The following ADAMTS3 variants were observed in gnomAD, a reference collection of about 807,000 sequenced individuals.
ADAMTS3 encodes A disintegrin and metalloproteinase with thrombospondin motifs 3.
A neutral mutation model predicts 129.0 loss-of-function variants in ADAMTS3; 73 were observed. The observed-to-expected ratio is 0.57, with a 90% CI of 0.47 to 0.69. The LOEUF is 0.69. Ranked by LOEUF, ADAMTS3 falls within the 30% of genes least tolerant of loss-of-function variation. ADAMTS3 has a pLI of 0.00. For missense variants in ADAMTS3, 1,457 were observed against 1,514.5 expected (o/e 0.96, Z 0.63); for synonymous variants, 477 against 510.8 (o/e 0.93, Z 0.89).
At chr4:72,561,121 G>C (rs1721892634) in intron 2 of ADAMTS3, among the ~76,000 whole-genome samples, 1 of 152,122 alleles carries the variant, frequency 6.6e-6, no homozygotes, top group Non-Finnish European at 1.5e-5. Flanking sequence ...GGGAAGCTGA[G>C]GCGGGTGGAT....
intron 3 of ADAMTS3, among the ~76,000 whole-genome samples, chr4:72,477,836 G>C (rs915864560): frequency 6.6e-6 from 1 of 151,710 alleles, no homozygotes; most frequent in South Asian, 2.1e-4. Context: ...TCAAATAGAC[G>C]CAATAAAAAA....
At chr4:72,455,456 A>T (rs1449939769) in intron 3 of ADAMTS3, among the ~76,000 whole-genome samples, 1 of 151,350 alleles carries the variant, frequency 6.6e-6, no homozygotes, top group East Asian at 2.0e-4. Context: ...GGGGAACATC[A>T]CGCACCAGGG....
At chr4:72,319,769 A>G (rs1474916016) in intron 8 of ADAMTS3, 89 bp downstream of exon 8, 1 of 1,078,526 alleles carries the variant, frequency 9.3e-7, no homozygotes, top group African/African-American at 1.6e-5. Context: ...GTATGCTGGC[A>G]TGCATTCTGC....
At chr4:72,319,207 A>T in intron 9 of ADAMTS3, 125 bp downstream of exon 9, 1 of 1,188,272 alleles carries the variant, frequency 8.4e-7, no homozygotes, top group Non-Finnish European at 1.2e-6. Flanking sequence ...CTAAGTCATA[A>T]GAAAATGTTT....
At chr4:72,427,834 T>C (rs565209657) in intron 3 of ADAMTS3, among the ~76,000 whole-genome samples, 1 of 152,068 alleles carries the variant, frequency 6.6e-6, no homozygotes, top group African/African-American at 2.4e-5. Context: ...TCTCCTAGTA[T>C]GTTACATGCC....
In ADAMTS3 at chr4:72,467,264, C is replaced by T. The variant is rs72853022; in HGVS notation, c.505-52293G>A. 7.6e-3 allele frequency among the ~76,000 whole-genome samples: 1,151 copies of T among 152,086 alleles called. 26 individuals carry two copies. Among genetic ancestry groups the T allele is most frequent in the African/African-American group, 0.026 (1,094 of 41,522 alleles). On this transcript the variant is annotated intron_variant, in intron 3 of 21. Transcript: ENST00000286657. ...TTTCATTCCTTCTGTTAATCCTATA[C>T]TTAGGTAGCCCCAAAATCTGCTGAT...
rs1194652174 is a variant in ADAMTS3, at chr4:72,283,709, A to G, written c.3050-5T>C. The G allele has an allele frequency of 1.3e-6, 2 of 1,543,064 alleles. No individual in the cohort carries two copies. Among genetic ancestry groups the G allele is most frequent in the East Asian group, 4.6e-5 (2 of 43,780 alleles). On this transcript the variant is annotated splice_region_variant and splice_polypyrimidine_tract_variant and intron_variant, in intron 21 of 21. Transcript: ENST00000286657. The stretch of plus-strand genomic sequence containing the variant: ...TGTCTCCCAAACATGGTTCATCTGC[A>G]AAAATAAAAAGAAAATAAACTAACA...
chr4:72,322,308 T>A (rs540788417), intron 6 of ADAMTS3, among the ~76,000 whole-genome samples: 1 of 152,354 alleles, frequency 6.6e-6, no homozygotes, highest in Non-Finnish European at 1.5e-5. Context: ...TAATATTTCA[T>A]AATCAGGAGG....
At chr4:72,409,004 GTGTATACCTA>G (rs1234327310) in intron 4 of ADAMTS3, among the ~76,000 whole-genome samples, 3 of 151,886 alleles carry the variant, frequency 2.0e-5, no homozygotes, top group Non-Finnish European at 4.4e-5. Flanking sequence ...ACCAGGTCAC[GTGTATACCTA>G]TGTAACAAAA....
rs79642031 is a variant in ADAMTS3 at position 72,333,369 on chromosome 4, C to T, written c.861+6125G>A. Among the ~76,000 whole-genome samples the T allele has an allele frequency of 5.2e-4, 79 of 152,098 alleles. No individual in the cohort carries two copies. In the East Asian group the frequency reaches 7.7e-3, roughly 15 times the overall value. On this transcript the variant is annotated intron_variant, in intron 5 of 21. Coordinates refer to ENST00000286657, the MANE Select transcript of ADAMTS3 (RefSeq NM_014243.3). ...AAACAGAATGTTCAAGCTAAAAAAA[C>T]GTATAAATTATGGTAGATTCATCTC...
intron 3 of ADAMTS3, among the ~76,000 whole-genome samples, chr4:72,480,796 T>G (rs148856801): frequency 6.7e-6 from 1 of 148,890 alleles, no homozygotes; most frequent in Non-Finnish European, 1.5e-5. Flanking sequence ...GATGATATGA[T>G]AGTCTACATA....
intron 16 of ADAMTS3, among the ~76,000 whole-genome samples, chr4:72,304,961 C>A (rs1719045876): frequency 6.6e-6 from 1 of 151,952 alleles, no homozygotes; most frequent in Non-Finnish European, 1.5e-5. Flanking sequence ...GACTGCTAGA[C>A]TATTACGACA....
intron 3 of ADAMTS3, among the ~76,000 whole-genome samples, chr4:72,508,121 G>C (rs1162017424): frequency 1.3e-5 from 2 of 152,028 alleles, no homozygotes; most frequent in Non-Finnish European, 2.9e-5. Context: ...ACAAACACAT[G>C]CACATTGTAA....
rs1308069725 is a variant in ADAMTS3 at position 72,320,803 on chromosome 4, T to C, written c.1013A>G (p.Gln338Arg). 6.2e-7 allele frequency: 1 copy of C among 1,613,916 alleles called. No homozygotes were observed. Among genetic ancestry groups the C allele is most frequent in the African/African-American group, 1.3e-5 (1 of 74,914 alleles). The change falls in exon 7 of 22, where the codon CAA (glutamine) becomes CGA (arginine). Residue 338 changes from glutamine (Q) to arginine (R), a missense_variant. Gln to Arg is a conservative substitution (Grantham distance 43). Transcript: ENST00000286657. ...GTGGTTGAGATCAGATCTTTGCTGT[T>C]GGGACGCCCAGCGACACACATTCTC... Reference protein sequence around the residue: ...SLENVCRWASQQQRSDLNHSE... With the variant: ...SLENVCRWASRQQRSDLNHSE...
intron 4 of ADAMTS3, among the ~76,000 whole-genome samples, chr4:72,352,346 T>C (rs1474939605): frequency 6.6e-6 from 1 of 151,946 alleles, no homozygotes; most frequent in Non-Finnish European, 1.5e-5. Context: ...TGATTCCACA[T>C]CTCAATTCAT....
At position 72,312,336 on chromosome 4, in the gene ADAMTS3, A is replaced by G; in HGVS notation, c.1876T>C (p.Tyr626His). 2 of 1,613,816 alleles carry G rather than the reference A, an allele frequency of 1.2e-6. No homozygotes were observed. The highest frequency in any genetic ancestry group is 1.7e-6 in the Non-Finnish European group (2 of 1,179,782). ...QCQQRNSHFEYQNTKHHWLPY... is the reference protein window; with the variant it reads ...QCQQRNSHFEHQNTKHHWLPY... ...AACCAGTGGTGTTTGGTATTCTGGT[A>G]TTCAAAGTGGGAGTTTCGCTGCTGA... Residue 626 changes from tyrosine to histidine, a missense_variant, in exon 13 of 22, where the codon TAC becomes CAC. Tyr to His is a moderately conservative substitution (Grantham distance 83). Coordinates refer to ENST00000286657, the MANE Select transcript of ADAMTS3 (RefSeq NM_014243.3).
At chr4:72,483,302 C>A (rs1334910760) in intron 3 of ADAMTS3, among the ~76,000 whole-genome samples, 1 of 152,110 alleles carries the variant, frequency 6.6e-6, no homozygotes, top group Non-Finnish European at 1.5e-5. Context: ...AGGGAATATA[C>A]AAATTGTACT....
intron 3 of ADAMTS3, among the ~76,000 whole-genome samples, chr4:72,430,249 G>A (rs1435346786): frequency 6.6e-6 from 1 of 152,014 alleles, no homozygotes; most frequent in Admixed American, 6.6e-5. Flanking sequence ...GCAACTGAAA[G>A]AATGTGGTAG....
intron 11 of ADAMTS3, among the ~76,000 whole-genome samples, chr4:72,315,444 G>A (rs948170054): frequency 5.3e-5 from 8 of 152,132 alleles, no homozygotes; most frequent in East Asian, 1.9e-4. Flanking sequence ...TGAGGAAAAC[G>A]CAATGTGGCC....
Sources: gnomAD v4.1 joint callset for allele counts (sites outside exome capture counted in the v4.1 genomes callset) on GRCh38, gnomAD v4.1.1 for gene constraint, MANE v1.5 for transcripts, NCBI Gene and HGNC (gene_info 2026-07-23, HGNC 2026-07-21) for gene names.